The following FAR2 variants were observed in gnomAD, a reference collection of about 807,000 sequenced individuals.
FAR2 encodes epididymis secretory protein Li 81.
FAR2 carries 19 observed loss-of-function variants against 56.0 expected under a neutral mutation model. That is an observed-to-expected ratio of 0.34 (90% CI 0.24 to 0.50). FAR2 has a LOEUF of 0.50. Ranked by LOEUF, FAR2 falls within the 20% of genes least tolerant of loss-of-function variation. FAR2 has a pLI of 0.98. For missense variants in FAR2, 508 were observed against 642.2 expected, an observed-to-expected ratio of 0.79 and a Z score of 2.26; for synonymous variants, 219 against 218.8, an observed-to-expected ratio of 1.00 and a Z score of -0.01.
chr12:29,303,937 T>G (rs1178437668), intron 4 of FAR2, among the ~76,000 whole-genome samples: 2 of 152,182 alleles, frequency 1.3e-5, no homozygotes, highest in African/African-American at 4.8e-5. Context: ...AGCATCTGGC[T>G]CATGTTTGAG....
At chr12:29,253,489 G>A (rs1041911860) in intron 1 of FAR2, among the ~76,000 whole-genome samples, 1 of 151,402 alleles carries the variant, frequency 6.6e-6, no homozygotes, top group African/African-American at 2.4e-5. Context: ...ATATGTATTG[G>A]TCATTTCTCT....
chr12:29,241,244 CAT>C (rs1231852516), intron 1 of FAR2, among the ~76,000 whole-genome samples: 2 of 152,192 alleles, frequency 1.3e-5, no homozygotes, highest in Non-Finnish European at 2.9e-5. Flanking sequence ...TGTATGTACA[CAT>C]ATGCCAAAAT....
At chr12:29,234,121 A>G (rs936745799) in intron 1 of FAR2, among the ~76,000 whole-genome samples, 2 of 152,056 alleles carry the variant, frequency 1.3e-5, no homozygotes, top group African/African-American at 4.8e-5. Flanking sequence ...AAATATTGGT[A>G]TGACACCACT....
At chr12:29,195,089 A>G (rs1950134362) in intron 1 of FAR2, among the ~76,000 whole-genome samples, 1 of 152,210 alleles carries the variant, frequency 6.6e-6, no homozygotes, top group South Asian at 2.1e-4. Flanking sequence ...GAGAAGCCCT[A>G]TAAATTCTTG....
At chr12:29,187,045 C>T (rs529711709) in intron 1 of FAR2, among the ~76,000 whole-genome samples, 4 of 152,250 alleles carry the variant, frequency 2.6e-5, no homozygotes, top group African/African-American at 7.2e-5. Flanking sequence ...ACCTCGGCCT[C>T]CCAAAGTGCT....
chr12:29,319,276 C>T (rs1352145519), intron 9 of FAR2, among the ~76,000 whole-genome samples: 1 of 152,194 alleles, frequency 6.6e-6, no homozygotes, highest in African/African-American at 2.4e-5. Flanking sequence ...CAGGCATGAG[C>T]CACCGCGCCC....
chr12:29,284,964 C>A (rs894695602), intron 2 of FAR2, among the ~76,000 whole-genome samples: 1 of 152,092 alleles, frequency 6.6e-6, no homozygotes, highest in Non-Finnish European at 1.5e-5. Context: ...GCCTTAGCCT[C>A]CCGAGTAGCT....
chr12:29,275,065 TTTC>T (rs1449980908), intron 2 of FAR2, among the ~76,000 whole-genome samples: 1 of 147,886 alleles, frequency 6.8e-6, no homozygotes, highest in Non-Finnish European at 1.5e-5. Flanking sequence ...TGGCACCAAA[TTTC>T]ATGCGCGTCC....
At chr12:29,197,510 A>G (rs1026183142) in intron 1 of FAR2, among the ~76,000 whole-genome samples, 2 of 152,186 alleles carry the variant, frequency 1.3e-5, no homozygotes, top group Non-Finnish European at 2.9e-5. Flanking sequence ...TATTAATCCC[A>G]TTTCGTTGAT....
intron 2 of FAR2, among the ~76,000 whole-genome samples, chr12:29,285,686 C>G (rs1424522710): frequency 6.6e-6 from 1 of 151,992 alleles, no homozygotes; most frequent in East Asian, 1.9e-4. Flanking sequence ...TTTGGGAGGT[C>G]GAGGCAGACA....
intron 1 of FAR2, among the ~76,000 whole-genome samples, chr12:29,267,298 A>G (rs1338855449): frequency 6.6e-6 from 1 of 152,224 alleles, no homozygotes; most frequent in Non-Finnish European, 1.5e-5. Context: ...CTATGCTAAT[A>G]GCCAATATTT....
intron 1 of FAR2, among the ~76,000 whole-genome samples, chr12:29,215,279 C>A (rs1947609321): frequency 6.6e-6 from 1 of 152,018 alleles, no homozygotes; most frequent in Admixed American, 6.6e-5. Flanking sequence ...ATTTAAAAAA[C>A]AAGAAACCTC....
intron 9 of FAR2, 134 bp downstream of exon 9, chr12:29,317,146 CT>C (rs1949464511): frequency 1.1e-6 from 1 of 915,392 alleles, no homozygotes; most frequent in African/African-American, 1.7e-5. Flanking sequence ...TTGAACACAC[CT>C]AATCTGAAAA....
intron 1 of FAR2, among the ~76,000 whole-genome samples, chr12:29,167,288 T>G (rs1287561523): frequency 6.6e-6 from 1 of 152,202 alleles, no homozygotes; most frequent in Non-Finnish European, 1.5e-5. Context: ...ACTTTTAAAT[T>G]AACATTATAT....
intron 10 of FAR2, among the ~76,000 whole-genome samples, chr12:29,327,318 G>C: frequency 6.6e-6 from 1 of 152,140 alleles, no homozygotes. Context: ...CGTGAAAATG[G>C]CCATACTGCC....
chr12:29,284,368 C>A (rs1948836522), intron 2 of FAR2, among the ~76,000 whole-genome samples: 1 of 152,142 alleles, frequency 6.6e-6, no homozygotes, highest in East Asian at 1.9e-4. Flanking sequence ...AGACAAAATT[C>A]AAGGTTTTTA....
rs142086556 is a variant in FAR2 at position 29,316,947 on chromosome 12, G to T, written c.1062G>T (p.Ala354=). 6.2e-6 allele frequency: 10 copies of T among 1,613,936 alleles called. No homozygotes were observed. The highest frequency in any genetic ancestry group is 1.6e-4 in the Middle Eastern group (1 of 6,062). ...GCTTCACATCACAGTACTGGAATGCGGTCAGCCACCGGGCCCCTGCCATTA... is the reference window on the plus strand; with the variant it reads ...GCTTCACATCACAGTACTGGAATGCTGTCAGCCACCGGGCCCCTGCCATTA... ...SNSFTSQYWN[A]VSHRAPAIIY... The change falls in exon 9 of 12, where the codon GCG becomes GCT. Residue 354 remains alanine, a synonymous_variant. Coordinates refer to ENST00000536681, the MANE Select transcript of FAR2 (RefSeq NM_001271783.2).
Position 29,250,341 on chromosome 12 carries a change from A to G in FAR2, c.-38-20071A>G, listed in dbSNP as rs77369043. On this transcript the variant is annotated intron_variant, in intron 1 of 11. Coordinates refer to ENST00000536681, the MANE Select transcript of FAR2 (RefSeq NM_001271783.2). ...ACCAATCTCTCCTGGTTATTACTTT[A>G]TTTGATTATTAAGGCAGCTCTGTGG... Among the ~76,000 whole-genome samples, 1,286 of 152,226 alleles carry G rather than the reference A, an allele frequency of 8.4e-3. 18 individuals are homozygous for G. Among genetic ancestry groups the G allele is most frequent in the African/African-American group, 0.03 (1,234 of 41,552 alleles).
intron 2 of FAR2, among the ~76,000 whole-genome samples, chr12:29,271,564 T>A (rs924379707): frequency 1.1e-4 from 16 of 152,222 alleles, no homozygotes; most frequent in Admixed American, 9.8e-4. Flanking sequence ...AATGTTAACA[T>A]CTATGATGCA....
Sources: allele counts gnomAD v4.1 joint callset (sites outside exome capture counted in the v4.1 genomes callset), GRCh38; gene constraint gnomAD v4.1.1; transcripts MANE v1.5; gene names NCBI Gene and HGNC (gene_info 2026-07-23, HGNC 2026-07-21).